The following PDS5B variants were observed in gnomAD, a reference collection of about 807,000 sequenced individuals.
PDS5B encodes PDS5 cohesin associated factor B, also known as sister chromatid cohesion protein PDS5 homolog B.
In PDS5B, 51 loss-of-function variants were observed where a neutral mutation model predicts 184.1. The observed-to-expected ratio is 0.28, with a 90% CI of 0.22 to 0.35. PDS5B has a LOEUF of 0.35. PDS5B is among the 10% of genes least tolerant of loss of function. The pLI is 1.00. For synonymous variants in PDS5B, 566 were observed against 569.2 expected, an observed-to-expected ratio of 0.99 and a Z score of 0.08; for missense variants, 1,180 against 1,723.3, an observed-to-expected ratio of 0.68 and a Z score of 5.58.
chr13:32,669,110 A>C (rs1950869727), intron 7 of PDS5B, among the ~76,000 whole-genome samples: 1 of 152,058 alleles, frequency 6.6e-6, no homozygotes, highest in Non-Finnish European at 1.5e-5. Flanking sequence ...TTTTTTCATC[A>C]TTGGCTTAGT....
intron 13 of PDS5B, chr13:32,689,711 A>G (rs959958255): frequency 6.6e-6 from 1 of 152,104 alleles, no homozygotes; most frequent in Non-Finnish European, 1.5e-5. Context: ...TTTCCACTAC[A>G]CGTAGTAAAA....
At position 32,770,730 on chromosome 13, in the gene PDS5B, A is replaced by ACGCCAT; in HGVS notation, c.4143_4148dup (p.Pro1384_Ser1385dup). ...GAAAGGACGAGGAAGACCATCAAAA[A>ACGCCAT]CGCCATCACCATCACAACCAAAAAA... On this transcript the variant is annotated inframe_insertion, in exon 33 of 35. Coordinates refer to ENST00000315596, the MANE Select transcript of PDS5B (RefSeq NM_015032.4). 1.2e-6 allele frequency: 2 copies of ACGCCAT among 1,609,562 alleles called. No homozygotes were observed. The highest frequency in any genetic ancestry group is 1.7e-6 in the Non-Finnish European group (2 of 1,177,804).
At chr13:32,589,812 A>C (rs999525940) in intron 1 of PDS5B, among the ~76,000 whole-genome samples, 1 of 147,992 alleles carries the variant, frequency 6.8e-6, no homozygotes, top group Non-Finnish European at 1.5e-5. Context: ...GAAGCTGCCA[A>C]ATGGTTCGCA....
At chr13:32,715,032 G>T (rs1176547524) in intron 19 of PDS5B, among the ~76,000 whole-genome samples, 1 of 152,204 alleles carries the variant, frequency 6.6e-6, no homozygotes, top group African/African-American at 2.4e-5. Context: ...ACTAATAAAT[G>T]TCCATGAAAC....
rs184120673 is a variant in PDS5B at position 32,753,016 on chromosome 13, T to C, written c.2737-316T>C. Among the ~76,000 whole-genome samples, 100 of 152,300 alleles carry C rather than the reference T, an allele frequency of 6.6e-4. 1 individual carries two copies. Among genetic ancestry groups the C allele is most frequent in the Admixed American group, 3.5e-3 (54 of 15,294 alleles). ...TCTTGCCCAGTAAATGAAAAAGATA[T>C]ATATGAGATGGTGTTTAAGCCTTAA... is the stretch of plus-strand genomic sequence containing the variant. On this transcript the variant is annotated intron_variant, in intron 24 of 34. Coordinates refer to ENST00000315596, the MANE Select transcript of PDS5B (RefSeq NM_015032.4).
intron 14 of PDS5B, among the ~76,000 whole-genome samples, chr13:32,695,069 C>T (rs898241683): frequency 6.6e-6 from 1 of 151,830 alleles, no homozygotes; most frequent in Non-Finnish European, 1.5e-5. Context: ...TGAAAACTTT[C>T]ACCTTTTCCC....
intron 1 of PDS5B, among the ~76,000 whole-genome samples, chr13:32,623,398 C>T (rs763901864): frequency 6.6e-6 from 1 of 152,182 alleles, no homozygotes; most frequent in Non-Finnish European, 1.5e-5. Context: ...TACCATAATT[C>T]TAAGCTTGTG....
At chr13:32,700,146 G>T (rs1951825900) in intron 16 of PDS5B, among the ~76,000 whole-genome samples, 1 of 152,004 alleles carries the variant, frequency 6.6e-6, no homozygotes, top group African/African-American at 2.4e-5. Context: ...CTGAATACAT[G>T]TACTATAATT....
At chr13:32,685,829 A>C (rs555244659) in intron 11 of PDS5B, among the ~76,000 whole-genome samples, 1 of 151,990 alleles carries the variant, frequency 6.6e-6, no homozygotes, top group African/African-American at 2.4e-5. Context: ...TATTAGAGAC[A>C]GGGTCTCACT....
At chr13:32,724,480 G>C (rs769060410) in intron 19 of PDS5B, among the ~76,000 whole-genome samples, 7 of 152,156 alleles carry the variant, frequency 4.6e-5, no homozygotes, top group Non-Finnish European at 8.8e-5. Context: ...CTCTCACTCT[G>C]CTTGCAGCAG....
chr13:32,591,910 G>A (rs1274195137), intron 1 of PDS5B, among the ~76,000 whole-genome samples: 2 of 152,160 alleles, frequency 1.3e-5, no homozygotes, highest in Non-Finnish European at 2.9e-5. Context: ...ACCTTGACGG[G>A]GAGCAATGCT....
At chr13:32,655,374 A>ATATATATATATATTTT in intron 3 of PDS5B, among the ~76,000 whole-genome samples, 70 of 72,444 alleles carry the variant, frequency 9.7e-4, no homozygotes, top group Non-Finnish European at 1.3e-3. Context: ...ATATATATAT[A>ATATATATATATATTTT]TTTTTTTTTT....
intron 1 of PDS5B, among the ~76,000 whole-genome samples, chr13:32,598,000 A>G (rs532442697): frequency 3.3e-5 from 5 of 152,094 alleles, no homozygotes; most frequent in African/African-American, 1.2e-4. Context: ...TCAGCAGTGG[A>G]TATTCTGTAG....
intron 19 of PDS5B, among the ~76,000 whole-genome samples, chr13:32,719,979 G>C (rs1331199787): frequency 1.3e-5 from 2 of 151,998 alleles, no homozygotes; most frequent in African/African-American, 4.8e-5. Flanking sequence ...TGTGTTTTTA[G>C]TAGAGACTGG....
Position 32,588,841 on chromosome 13 carries a change from A to G in PDS5B, c.-20+2248A>G, listed in dbSNP as rs566243820. ...ACATTTTGAGCAGTAGGCTTTATCA[A>G]TAATTTGTTAGGCCTAAGATAAAGT... On this transcript the variant is annotated intron_variant, in intron 1 of 34. Transcript: ENST00000315596. 5.3e-5 allele frequency among the ~76,000 whole-genome samples: 8 copies of G among 152,370 alleles called. 1 individual carries two copies. Among genetic ancestry groups the G allele is most frequent in the South Asian group, 4.1e-4 (2 of 4,832 alleles).
chr13:32,618,077 G>A (rs1276487359), intron 1 of PDS5B, among the ~76,000 whole-genome samples: 4 of 152,146 alleles, frequency 2.6e-5, no homozygotes, highest in African/African-American at 4.8e-5. Flanking sequence ...ATAGCCAAAC[G>A]CTGGCTGCCA....
Position 32,775,212 on chromosome 13 carries a change from C to G in PDS5B, c.*160C>G, listed in dbSNP as rs921797930. 6.1e-5 allele frequency: 38 copies of G among 624,028 alleles called. No homozygotes were observed. The highest frequency in any genetic ancestry group is 9.5e-5 in the Non-Finnish European group (34 of 358,248). The allele number at this position is 624,028 out of a possible 1,614,324, so 38.7% of individuals were successfully genotyped here. ...TTTGGTGACCCCATACATTTGTGGT[C>G]ACATGCTTTAGCCATACACATGGTA... On this transcript the variant is annotated 3_prime_UTR_variant, in exon 35 of 35. Transcript: ENST00000315596.
chr13:32,733,170 T>C (rs1953183800), intron 20 of PDS5B, among the ~76,000 whole-genome samples: 1 of 152,180 alleles, frequency 6.6e-6, no homozygotes, highest in African/African-American at 2.4e-5. Flanking sequence ...CTCCTTTTCC[T>C]CTCAATAGTG....
At chr13:32,687,037 T>TA in intron 11 of PDS5B, 97 bp from the exon 12 acceptor site, 1 of 892,486 alleles carries the variant, frequency 1.1e-6, no homozygotes, top group Non-Finnish European at 1.7e-6. Context: ...AAAAAATGTA[T>TA]AAAGGGAAGG....
Sources: allele counts gnomAD v4.1 joint callset (sites outside exome capture counted in the v4.1 genomes callset), GRCh38; gene constraint gnomAD v4.1.1; transcripts MANE v1.5; gene names NCBI Gene and HGNC (gene_info 2026-07-23, HGNC 2026-07-21).